SOX6: variants seen among roughly 807,000 people sequenced by gnomAD.
The protein encoded by SOX6 is SRY-box transcription factor 6, also known as transcription factor SOX-6.
A neutral mutation model predicts 97.8 loss-of-function variants in SOX6; 11 were observed. The ratio of observed to expected loss-of-function variants is 0.11; its 90% CI spans 0.07 to 0.19. SOX6 has a LOEUF of 0.19. Among genes scored for constraint, SOX6 ranks in the 10% least tolerant of loss-of-function variants. The pLI, the probability that SOX6 is intolerant of heterozygous loss-of-function variation, is 1.00. For missense variants in SOX6, 810 were observed against 1,039.5 expected (o/e 0.78, Z 3.04); for synonymous variants, 360 against 371.4 (o/e 0.97, Z 0.35).
At chr11:16,334,610 T>C (rs1275057754) in intron 2 of SOX6, among the ~76,000 whole-genome samples, 1 of 152,006 alleles carries the variant, frequency 6.6e-6, no homozygotes, top group Non-Finnish European at 1.5e-5. Flanking sequence ...GTATTTTTAG[T>C]AGAGATGGGG....
At chr11:16,075,245 G>T (rs1431601304) in intron 9 of SOX6, among the ~76,000 whole-genome samples, 1 of 152,110 alleles carries the variant, frequency 6.6e-6, no homozygotes, top group Non-Finnish European at 1.5e-5. Context: ...AGAAAAAGAG[G>T]TTTAATAAGA....
rs368043359 is a variant in SOX6 at position 16,077,351 on chromosome 11, A to G, written c.1101+18645T>C. ...ATAACAGATACTGGTGTGGTTATAT[A>G]CTGCTTGTAGGAATGCAAGTTAGTT... On this transcript the variant is annotated intron_variant, in intron 9 of 15. Coordinates refer to ENST00000683767, the MANE Select transcript of SOX6 (RefSeq NM_001367873.1). 2.0e-5 allele frequency among the ~76,000 whole-genome samples: 3 copies of G among 152,206 alleles called. No homozygotes were observed. In the East Asian group the frequency reaches 5.8e-4, roughly 29 times the overall value.
At chr11:16,719,995 T>C (rs1321248097) in intron 2 of SOX6, among the ~76,000 whole-genome samples, 5 of 152,210 alleles carry the variant, frequency 3.3e-5, no homozygotes, top group South Asian at 4.1e-4. Flanking sequence ...TAATGAAATA[T>C]TGATATATCA....
chr11:16,508,849 A>T (rs1240738971), intron 4 of SOX6, among the ~76,000 whole-genome samples: 2 of 152,168 alleles, frequency 1.3e-5, no homozygotes, highest in African/African-American at 2.4e-5. Context: ...TGTTCCCAAC[A>T]CATAGAAATG....
intron 12 of SOX6, among the ~76,000 whole-genome samples, chr11:16,021,067 A>G (rs1855044688): frequency 6.6e-6 from 1 of 152,128 alleles, no homozygotes. Flanking sequence ...AGAAAAATGC[A>G]ATTTGATTAT....
intron 9 of SOX6, among the ~76,000 whole-genome samples, chr11:16,084,208 T>G (rs1056150282): frequency 2.6e-5 from 4 of 152,188 alleles, no homozygotes; most frequent in African/African-American, 9.6e-5. Context: ...AGTATATATA[T>G]GTACATACAC....
chr11:16,418,787 CAG>C (rs1858973280), intron 1 of SOX6, among the ~76,000 whole-genome samples: 1 of 152,134 alleles, frequency 6.6e-6, no homozygotes, highest in Admixed American at 6.5e-5. Flanking sequence ...GAAAGTTAAA[CAG>C]AAATTTTTTA....
chr11:16,623,004 T>C (rs1023518247), intron 3 of SOX6, among the ~76,000 whole-genome samples: 10 of 152,156 alleles, frequency 6.6e-5, no homozygotes, highest in Non-Finnish European at 1.5e-4. Flanking sequence ...TGATTTACAT[T>C]TCCCTGGTCA....
At chr11:16,244,151 C>G (rs1412898847) in intron 3 of SOX6, among the ~76,000 whole-genome samples, 6 of 151,818 alleles carry the variant, frequency 4.0e-5, no homozygotes, top group Non-Finnish European at 8.8e-5. Flanking sequence ...TATGAGTGTT[C>G]TAGTTGTTTC....
intron 2 of SOX6, among the ~76,000 whole-genome samples, chr11:16,721,595 TCTCTTCCC>T (rs1431947516): frequency 3.7e-5 from 2 of 53,680 alleles, no homozygotes; most frequent in African/African-American, 1.9e-4. Context: ...TCTCTCTCTC[TCTCTTCCC>T]TCCCTCCCTC....
chr11:16,422,111 A>G (rs1859031585), intron 1 of SOX6, among the ~76,000 whole-genome samples: 1 of 152,188 alleles, frequency 6.6e-6, no homozygotes, highest in African/African-American at 2.4e-5. Context: ...GACATACGAA[A>G]AAAATAAAAT....
At chr11:16,639,522 C>T (rs988776963) in intron 3 of SOX6, among the ~76,000 whole-genome samples, 7 of 152,146 alleles carry the variant, frequency 4.6e-5, no homozygotes, top group South Asian at 2.1e-4. Flanking sequence ...GCCATTTTCA[C>T]GATATTGATT....
chr11:15,972,683 G>T lies in SOX6; in HGVS notation c.*126C>A. 1.9e-6 allele frequency: 2 copies of T among 1,044,308 alleles called. No individual in the cohort carries two copies. The highest frequency in any genetic ancestry group is 2.9e-6 in the Non-Finnish European group (2 of 687,024). The allele number at this position is 1,044,308 out of a possible 1,614,324, so 64.7% of individuals were successfully genotyped here. On this transcript the variant is annotated 3_prime_UTR_variant, in exon 16 of 16. Transcript: ENST00000683767. ...AAACTTAATCTGTCTCACACTTTACGAAACAATTAAGACCATTCTGCTGAT... is the reference window on the plus strand; with the variant it reads ...AAACTTAATCTGTCTCACACTTTACTAAACAATTAAGACCATTCTGCTGAT...
chr11:16,342,505 T>C (rs972354042), intron 1 of SOX6, among the ~76,000 whole-genome samples: 1 of 151,968 alleles, frequency 6.6e-6, no homozygotes, highest in Non-Finnish European at 1.5e-5. Flanking sequence ...ATTAACTTGC[T>C]AGTACTGTTT....
At chr11:16,601,365 G>C (rs551151392) in intron 4 of SOX6, among the ~76,000 whole-genome samples, 1 of 152,180 alleles carries the variant, frequency 6.6e-6, no homozygotes, top group Non-Finnish European at 1.5e-5. Flanking sequence ...AGACACATTA[G>C]CTTGATGGAA....
At chr11:16,691,031 C>T (rs1848009373) in intron 3 of SOX6, among the ~76,000 whole-genome samples, 1 of 152,190 alleles carries the variant, frequency 6.6e-6, no homozygotes, top group Admixed American at 6.5e-5. Flanking sequence ...CGAGTCCTTG[C>T]AGTCTTGACT....
intron 4 of SOX6, among the ~76,000 whole-genome samples, chr11:16,527,661 C>T (rs1008876996): frequency 9.2e-5 from 14 of 152,048 alleles, no homozygotes; most frequent in Admixed American, 4.6e-4. Flanking sequence ...CATATCTGTA[C>T]GAAAACTATT....
chr11:16,701,152 A>G (rs958476442), intron 3 of SOX6, among the ~76,000 whole-genome samples: 10 of 152,208 alleles, frequency 6.6e-5, no homozygotes, highest in African/African-American at 2.4e-4. Flanking sequence ...TCATACAAAC[A>G]GATTTCTTGC....
chr11:16,092,848 T>C (rs1281650335), intron 9 of SOX6, among the ~76,000 whole-genome samples: 2 of 149,012 alleles, frequency 1.3e-5, no homozygotes, highest in Non-Finnish European at 2.9e-5. Flanking sequence ...AGTCCCTTTT[T>C]CATTAAAAAA....
Sources: allele counts gnomAD v4.1 joint callset (sites outside exome capture counted in the v4.1 genomes callset), GRCh38; gene constraint gnomAD v4.1.1; transcripts MANE v1.5; gene names NCBI Gene and HGNC (gene_info 2026-07-23, HGNC 2026-07-21).